FAM83B: variants seen among roughly 807,000 people sequenced by gnomAD.
The protein encoded by FAM83B is scaffolding CK1 anchoring protein B, also known as protein FAM83B.
A neutral mutation model predicts 38.8 loss-of-function variants in FAM83B; 26 were observed. That is an observed-to-expected ratio of 0.67 (90% CI 0.49 to 0.93). The LOEUF (loss-of-function observed/expected upper bound fraction) is 0.93, where lower values mean the gene tolerates loss of function less well. Ranked by LOEUF, FAM83B falls within the 40% of genes least tolerant of loss-of-function variation. The pLI is 0.00. For synonymous variants in FAM83B, 419 were observed against 423.1 expected (o/e 0.99, Z 0.12); for missense variants, 1,237 against 1,197.3 (o/e 1.03, Z -0.49).
intron 4 of FAM83B, among the ~76,000 whole-genome samples, chr6:54,930,713 T>G (rs893340379): frequency 6.6e-6 from 1 of 152,046 alleles, no homozygotes; most frequent in Non-Finnish European, 1.5e-5. Flanking sequence ...TCTTGAACCT[T>G]TCAGAATTTC....
chr6:54,886,060 C>G (rs2127579113), intron 2 of FAM83B, among the ~76,000 whole-genome samples: 1 of 151,834 alleles, frequency 6.6e-6, no homozygotes, highest in South Asian at 2.1e-4. Context: ...GATTTTTCTC[C>G]TTTATTCTGG....
At position 54,940,936 on chromosome 6, in the gene FAM83B, G is replaced by A. The variant is rs764965934; in HGVS notation, c.1965G>A (p.Gln655=). 6.2e-7 allele frequency: 1 copy of A among 1,613,374 alleles called. No individual in the cohort carries two copies. Among genetic ancestry groups the A allele is most frequent in the Non-Finnish European group, 8.5e-7 (1 of 1,179,872 alleles). ...NKQTENLKNQ[Q]TENLLKRRSF... ...AGACAGAAAATCTAAAGAATCAACA[G>A]ACTGAGAATCTACTTAAAAGGCGAA... The change falls in exon 5 of 5, where the codon CAG becomes CAA. Residue 655 remains glutamine, a synonymous_variant. Coordinates refer to ENST00000306858, the MANE Select transcript of FAM83B (RefSeq NM_001010872.3).
At chr6:54,863,464 A>ATAACATGAC (rs1368882447) in intron 1 of FAM83B, among the ~76,000 whole-genome samples, 6 of 152,318 alleles carry the variant, frequency 3.9e-5, no homozygotes, top group Admixed American at 2.0e-4. Flanking sequence ...AGGCCCTTAA[A>ATAACATGAC]TAACATGACT....
intron 2 of FAM83B, among the ~76,000 whole-genome samples, chr6:54,888,468 ATGTGTTT>A (rs1476567030): frequency 2.6e-5 from 4 of 151,940 alleles, no homozygotes; most frequent in African/African-American, 9.7e-5. Flanking sequence ...CTTTAAAAAA[ATGTGTTT>A]ATTTCTCCTT....
intron 2 of FAM83B, among the ~76,000 whole-genome samples, chr6:54,917,261 A>C (rs575319098): frequency 1.1e-4 from 16 of 152,184 alleles, no homozygotes; most frequent in Non-Finnish European, 2.2e-4. Flanking sequence ...TAGGTGTAAC[A>C]GAGTAAATAC....
chr6:54,860,425 C>T (rs1293369882), intron 1 of FAM83B, among the ~76,000 whole-genome samples: 1 of 151,932 alleles, frequency 6.6e-6, no homozygotes, highest in Non-Finnish European at 1.5e-5. Flanking sequence ...TATTGTATGC[C>T]ATTAAAAAAA....
chr6:54,937,175 A>T (rs1422804362), intron 4 of FAM83B, among the ~76,000 whole-genome samples: 1 of 151,678 alleles, frequency 6.6e-6, no homozygotes, highest in Non-Finnish European at 1.5e-5. Context: ...ATTGTGTCAT[A>T]TACATTACTT....
chr6:54,939,603 G>A (rs1002623010), intron 4 of FAM83B, 103 bp from the exon 5 acceptor site: 15 of 1,086,632 alleles, frequency 1.4e-5, no homozygotes, highest in Admixed American at 1.3e-4. Flanking sequence ...GATAGCCAAA[G>A]AAAAGTACAA....
rs1198397613 is a variant in FAM83B at position 54,859,523 on chromosome 6, T to C, written c.-60-10664T>C. Among the ~76,000 whole-genome samples the C allele has an allele frequency of 4.6e-5, 7 of 152,312 alleles. No homozygotes were observed. The East Asian group carries it at 1.2e-3, about 25-fold the overall frequency. ...AGAATTGTACTAAACAGACATAATC[T>C]CTGCCATCATAGAGCTCACAGTCTA... is the stretch of plus-strand genomic sequence containing the variant. On this transcript the variant is annotated intron_variant, in intron 1 of 4. Transcript: ENST00000306858.
Position 54,941,398 on chromosome 6 carries a change from T to C in FAM83B, c.2427T>C (p.Ser809=). The part of the protein sequence containing the change: ...RLCSSSDTLV[S]EGEENQKPKK... ...GTAGTAGCTCTGACACATTAGTTTC[T>C]GAGGGTGAAGAAAATCAAAAACCAA... The change falls in exon 5 of 5, where the codon TCT becomes TCC. Residue 809 remains serine (S), a synonymous_variant. Coordinates refer to ENST00000306858, the MANE Select transcript of FAM83B (RefSeq NM_001010872.3). 6.2e-7 allele frequency: 1 copy of C among 1,613,278 alleles called. No homozygotes were observed. The highest frequency in any genetic ancestry group is 8.5e-7 in the Non-Finnish European group (1 of 1,179,844).
At chr6:54,889,934 T>C (rs1772363014) in intron 2 of FAM83B, among the ~76,000 whole-genome samples, 1 of 152,092 alleles carries the variant, frequency 6.6e-6, no homozygotes, top group Non-Finnish European at 1.5e-5. Flanking sequence ...CAAACATACA[T>C]AATTTAGTAG....
At chr6:54,880,652 T>G (rs1581896964) in intron 2 of FAM83B, among the ~76,000 whole-genome samples, 1 of 151,844 alleles carries the variant, frequency 6.6e-6, no homozygotes, top group African/African-American at 2.4e-5. Flanking sequence ...ACCATGTTGG[T>G]CAGGCTGATC....
chr6:54,934,770 A>G (rs1773493596), intron 4 of FAM83B, among the ~76,000 whole-genome samples: 2 of 152,102 alleles, frequency 1.3e-5, no homozygotes, highest in Non-Finnish European at 2.9e-5. Flanking sequence ...TGGAGGCCCA[A>G]CTGCTCTATA....
rs747760796 is a variant in FAM83B, at chr6:54,941,189, A to T, written c.2218A>T (p.Ile740Phe). The change falls in exon 5 of 5, where the codon ATT (isoleucine) becomes TTT (phenylalanine). Residue 740 changes from isoleucine to phenylalanine, a missense_variant. Ile to Phe is a conservative substitution (Grantham distance 21). Transcript: ENST00000306858. ...TGGCACTACTACCAAATCAGTTTCC[A>T]TTGCTGCTTTACTTGATGTGAATAA... ...PSGTTTKSVS[I>F]AALLDVNKEE... 1 of 1,614,086 alleles carries T rather than the reference A, an allele frequency of 6.2e-7. No individual in the cohort carries two copies. The highest frequency in any genetic ancestry group is 1.7e-5 in the Admixed American group (1 of 59,988).
At chr6:54,939,230 T>G (rs543256559) in intron 4 of FAM83B, among the ~76,000 whole-genome samples, 13 of 152,298 alleles carry the variant, frequency 8.5e-5, no homozygotes, top group African/African-American at 3.1e-4. Context: ...GTGCCTATTC[T>G]TATACCAGTA....
chr6:54,887,757 A>G (rs1327003754), intron 2 of FAM83B, among the ~76,000 whole-genome samples: 2 of 151,850 alleles, frequency 1.3e-5, no homozygotes, highest in African/African-American at 2.4e-5. Context: ...ATATGTGTGT[A>G]TATATAAAAT....
chr6:54,896,330 T>G (rs1209548288), intron 2 of FAM83B, among the ~76,000 whole-genome samples: 2 of 152,202 alleles, frequency 1.3e-5, no homozygotes, highest in Non-Finnish European at 2.9e-5. Flanking sequence ...TCTCGAATGA[T>G]GCAAAAAACA....
intron 2 of FAM83B, among the ~76,000 whole-genome samples, chr6:54,875,747 A>G (rs1406017248): frequency 1.4e-5 from 2 of 141,034 alleles, no homozygotes; most frequent in Non-Finnish European, 3.2e-5. Flanking sequence ...AGGTGGAAGA[A>G]AGGGAGAGAA....
In FAM83B at chr6:54,940,721, C is replaced by G. The variant is rs1561933060; in HGVS notation, c.1750C>G (p.Pro584Ala). The G allele has an allele frequency of 1.9e-6, 3 of 1,613,954 alleles. No homozygotes were observed. Among genetic ancestry groups the G allele is most frequent in the African/African-American group, 1.3e-5 (1 of 74,986 alleles). ...GACACCTAAAGAGGTCCCAGACACCCCTACGAATGTACAGCATTTGACAGA... is the reference window on the plus strand; with the variant it reads ...GACACCTAAAGAGGTCCCAGACACCGCTACGAATGTACAGCATTTGACAGA... ...SETPKEVPDT[P>A]TNVQHLTDKP... The change falls in exon 5 of 5, where the codon CCT becomes GCT. Residue 584 changes from proline (P) to alanine (A), a missense_variant. By Grantham distance (27) the Pro-to-Ala change is conservative. Coordinates refer to ENST00000306858, the MANE Select transcript of FAM83B (RefSeq NM_001010872.3).
Sources: gnomAD v4.1 joint callset for allele counts (sites outside exome capture counted in the v4.1 genomes callset) on GRCh38, gnomAD v4.1.1 for gene constraint, MANE v1.5 for transcripts, NCBI Gene and HGNC (gene_info 2026-07-23, HGNC 2026-07-21) for gene names.